Variants in ZFPM2 observed in about 807,000 individuals in gnomAD.
The protein encoded by ZFPM2 is zinc finger protein, FOG family member 2.
Under a neutral mutation model 98.6 loss-of-function variants are expected in ZFPM2, and 20 were observed. That is an observed-to-expected ratio of 0.20 (90% confidence interval 0.14 to 0.29). ZFPM2 has a LOEUF of 0.29. Ranked by LOEUF, ZFPM2 falls within the 10% of genes least tolerant of loss-of-function variation. ZFPM2 has a pLI of 1.00. For missense variants in ZFPM2, 1,310 were observed against 1,388.6 expected (o/e 0.94, Z 0.90); for synonymous variants, 518 against 502.7 (o/e 1.03, Z -0.41).
intron 5 of ZFPM2, among the ~76,000 whole-genome samples, chr8:105,760,307 G>A (rs976195295): frequency 1.4e-4 from 22 of 151,942 alleles, no homozygotes; most frequent in Admixed American, 7.2e-4. Flanking sequence ...GGCCAGGTAG[G>A]TCACATGCAA....
At chr8:105,740,608 G>A (rs1812190489) in intron 5 of ZFPM2, among the ~76,000 whole-genome samples, 1 of 148,808 alleles carries the variant, frequency 6.7e-6, no homozygotes, top group Non-Finnish European at 1.5e-5. Flanking sequence ...ATGGAAAATA[G>A]AAAACAATTT....
chr8:105,413,707 C>A (rs1811625950), intron 1 of ZFPM2, among the ~76,000 whole-genome samples: 1 of 151,518 alleles, frequency 6.6e-6, no homozygotes, highest in Admixed American at 6.6e-5. Context: ...GGGAGAACAC[C>A]ACCATTTTCA....
intron 1 of ZFPM2, among the ~76,000 whole-genome samples, chr8:105,383,580 G>A (rs971261783): frequency 1.3e-5 from 2 of 152,110 alleles, no homozygotes; most frequent in African/African-American, 2.4e-5. Flanking sequence ...GAAGGCCCGT[G>A]TAGACTTGTA....
chr8:105,707,622 T>C (rs1811294671), intron 5 of ZFPM2, among the ~76,000 whole-genome samples: 1 of 152,338 alleles, frequency 6.6e-6, no homozygotes, highest in East Asian at 1.9e-4. Flanking sequence ...TGTTCGTTAC[T>C]GGTTTATAAC....
intron 4 of ZFPM2, among the ~76,000 whole-genome samples, chr8:105,597,110 GA>G (rs35831573): frequency 2.7e-5 from 4 of 150,146 alleles, no homozygotes; most frequent in South Asian, 2.1e-4. Flanking sequence ...TGGTATCTGT[GA>G]AAAAAAAATG....
intron 3 of ZFPM2, among the ~76,000 whole-genome samples, chr8:105,517,804 G>A (rs1813969144): frequency 6.6e-6 from 1 of 151,604 alleles, no homozygotes; most frequent in Non-Finnish European, 1.5e-5. Context: ...TGAGCCTGGA[G>A]GATCACATGA....
intron 1 of ZFPM2, among the ~76,000 whole-genome samples, chr8:105,394,830 C>A (rs1341352518): frequency 1.3e-5 from 2 of 152,086 alleles, no homozygotes; most frequent in South Asian, 2.1e-4. Context: ...ATTTTTCATG[C>A]CTTCAACATT....
chr8:105,535,905 A>G (rs1382854136), intron 3 of ZFPM2, among the ~76,000 whole-genome samples: 1 of 152,174 alleles, frequency 6.6e-6, no homozygotes, highest in Admixed American at 6.5e-5. Context: ...CTTACTTTTC[A>G]TACAATCATT....
chr8:105,704,271 A>C (rs1034046526), intron 5 of ZFPM2, among the ~76,000 whole-genome samples: 7 of 152,220 alleles, frequency 4.6e-5, no homozygotes, highest in African/African-American at 1.7e-4. Flanking sequence ...CATATATTGG[A>C]CTACTTTAAA....
chr8:105,773,435 A>G (rs1271450593), intron 5 of ZFPM2, among the ~76,000 whole-genome samples: 1 of 152,154 alleles, frequency 6.6e-6, no homozygotes, highest in African/African-American at 2.4e-5. Flanking sequence ...TAAGCACAGT[A>G]TTAAAGTTTT....
chr8:105,572,599 C>T (rs1815381777), intron 4 of ZFPM2, among the ~76,000 whole-genome samples: 1 of 152,010 alleles, frequency 6.6e-6, no homozygotes, highest in Non-Finnish European at 1.5e-5. Context: ...TCTCGAGTAG[C>T]TGGGATTACA....
intron 5 of ZFPM2, among the ~76,000 whole-genome samples, chr8:105,659,292 C>G (rs1229245426): frequency 6.6e-6 from 1 of 151,090 alleles, no homozygotes; most frequent in Non-Finnish European, 1.5e-5. Flanking sequence ...TCCTGAGAAA[C>G]AAGAAATCAT....
chr8:105,345,146 A>C (rs2957447), intron 1 of ZFPM2, among the ~76,000 whole-genome samples: 6 of 151,962 alleles, frequency 3.9e-5, no homozygotes, highest in Admixed American at 2.6e-4. Context: ...CTGCCTTGAC[A>C]TCATAAGTAA....
intron 1 of ZFPM2, among the ~76,000 whole-genome samples, chr8:105,368,311 C>A (rs1810548975): frequency 6.6e-6 from 1 of 151,972 alleles, no homozygotes; most frequent in Non-Finnish European, 1.5e-5. Flanking sequence ...GTACCAGTAC[C>A]ACAAGGAGAA....
intron 1 of ZFPM2, among the ~76,000 whole-genome samples, chr8:105,331,055 C>T (rs1812223120): frequency 6.6e-6 from 1 of 150,574 alleles, no homozygotes; most frequent in African/African-American, 2.4e-5. Context: ...TATAGAGTAT[C>T]TAATACTTCA....
chr8:105,553,447 G>A (rs1586458381), intron 3 of ZFPM2, among the ~76,000 whole-genome samples: 2 of 152,258 alleles, frequency 1.3e-5, no homozygotes, highest in East Asian at 3.9e-4. Context: ...GAGAAATACA[G>A]TAATTTTACT....
At chr8:105,496,681 T>A (rs923049786) in intron 3 of ZFPM2, among the ~76,000 whole-genome samples, 24 of 149,590 alleles carry the variant, frequency 1.6e-4, no homozygotes, top group African/African-American at 5.1e-4. Flanking sequence ...TGGTTTTTTT[T>A]TTTTTTTGAG....
intron 1 of ZFPM2, chr8:105,358,757 C>G (rs1343927324): frequency 1.3e-5 from 2 of 152,130 alleles, no homozygotes; most frequent in Admixed American, 6.6e-5. Flanking sequence ...GAGATCGAGA[C>G]CATCCTGGCC....
intron 3 of ZFPM2, among the ~76,000 whole-genome samples, chr8:105,529,991 A>C (rs1460983086): frequency 6.6e-6 from 1 of 152,098 alleles, no homozygotes. Context: ...TCGGCCTCCC[A>C]CTTTGAACTT....
Sources: allele counts gnomAD v4.1 joint callset (sites outside exome capture counted in the v4.1 genomes callset), GRCh38; gene constraint gnomAD v4.1.1; transcripts MANE v1.5; gene names NCBI Gene and HGNC (gene_info 2026-07-23, HGNC 2026-07-21).